The following TMTC1 variants were observed in gnomAD, a reference collection of about 807,000 sequenced individuals.
The protein encoded by TMTC1 is transmembrane O-mannosyltransferase targeting cadherins 1, also known as protein O-mannosyl-transferase TMTC1.
Under a neutral mutation model 104.8 loss-of-function variants are expected in TMTC1, and 73 were observed. That is an observed-to-expected ratio of 0.70 (90% CI 0.58 to 0.85). The LOEUF is 0.85. Among genes scored for constraint, TMTC1 ranks in the 40% least tolerant of loss-of-function variants. TMTC1 has a pLI of 0.00. For synonymous variants in TMTC1, 434 were observed against 428.7 expected (o/e 1.01, Z -0.15); for missense variants, 1,035 against 1,096.1 (o/e 0.94, Z 0.79).
chr12:29,658,211 G>T (rs1034805261), intron 5 of TMTC1, among the ~76,000 whole-genome samples: 1 of 151,824 alleles, frequency 6.6e-6, no homozygotes, highest in African/African-American at 2.4e-5. Flanking sequence ...AATTTATCAC[G>T]TCTCTGCAAA....
rs1592032825 is a variant in TMTC1, at chr12:29,768,082, A to C, written c.303-7T>G. The C allele has an allele frequency of 6.4e-7, 1 of 1,553,044 alleles. No homozygotes were observed. The highest frequency in any genetic ancestry group is 2.3e-5 in the East Asian group (1 of 44,188). On this transcript the variant is annotated splice_region_variant and splice_polypyrimidine_tract_variant and intron_variant, in intron 1 of 17. Coordinates refer to ENST00000539277, the MANE Select transcript of TMTC1 (RefSeq NM_001193451.2). The stretch of plus-strand genomic sequence containing the variant: ...AGTCAAAAATATGTTTAGCCTGTAA[A>C]ACAAAAGAAAAAAGAAAAAAACTGC...
rs60837035 is a variant in TMTC1, at chr12:29,739,294, T to TACACAC, written c.938+12366_938+12371dup. ...TTGCTCATAGTTGCACGCATTCATG[T>TACACAC]ACACACACACACACACATACACAGA... On this transcript the variant is annotated intron_variant, in intron 5 of 17. Coordinates refer to ENST00000539277, the MANE Select transcript of TMTC1 (RefSeq NM_001193451.2). Among the ~76,000 whole-genome samples the TACACAC allele has an allele frequency of 0.016, 2,469 of 150,802 alleles. 175 individuals carry two copies. The East Asian group carries it at 0.24, about 15-fold the overall frequency.
rs1436757194 is a variant in TMTC1 at position 29,776,066 on chromosome 12, CCA to C, written c.302+7382_302+7383del. Among the ~76,000 whole-genome samples, 26 of 152,180 alleles carry C rather than the reference CCA, an allele frequency of 1.7e-4. 1 individual carries two copies. Among genetic ancestry groups the C allele is most frequent in the African/African-American group, 6.0e-4 (25 of 41,436 alleles). On this transcript the variant is annotated intron_variant, in intron 1 of 17. Coordinates refer to ENST00000539277, the MANE Select transcript of TMTC1 (RefSeq NM_001193451.2). The stretch of plus-strand genomic sequence containing the variant: ...TTCAGGTACTTGTACTCCATTTGAT[CCA>C]ACAAGGCCATTCCTTATAGAAAGCA...
chr12:29,585,134 A>G (rs1946094555), intron 7 of TMTC1, among the ~76,000 whole-genome samples: 1 of 150,710 alleles, frequency 6.6e-6, no homozygotes, highest in Non-Finnish European at 1.5e-5. Flanking sequence ...TCGCCATTCT[A>G]ACTGGTGTGA....
At chr12:29,757,263 T>G (rs1013833819) in intron 3 of TMTC1, among the ~76,000 whole-genome samples, 1 of 152,180 alleles carries the variant, frequency 6.6e-6, no homozygotes, top group East Asian at 1.9e-4. Context: ...TGTAACAGGT[T>G]TCTCAATCAT....
chr12:29,776,371 T>C lies in TMTC1; in HGVS notation c.302+7079A>G, dbSNP rs1592043269. The stretch of plus-strand genomic sequence containing the variant: ...GTAAACAGAACCCATTGGTATCCTC[T>C]GTATACATCTGAGGAAATTCCTAGT... On this transcript the variant is annotated intron_variant, in intron 1 of 17. Coordinates refer to ENST00000539277, the MANE Select transcript of TMTC1 (RefSeq NM_001193451.2). 4.6e-5 allele frequency among the ~76,000 whole-genome samples: 7 copies of C among 152,352 alleles called. No individual in the cohort carries two copies. The South Asian group carries it at 1.4e-3, about 32-fold the overall frequency.
intron 5 of TMTC1, among the ~76,000 whole-genome samples, chr12:29,721,967 TCTC>T (rs757391353): frequency 3.4e-4 from 51 of 152,126 alleles, no homozygotes; most frequent in South Asian, 4.1e-4. Flanking sequence ...GTTCTGGAAA[TCTC>T]CTTAACATCT....
At chr12:29,636,483 A>C (rs190796854) in intron 5 of TMTC1, among the ~76,000 whole-genome samples, 46 of 152,218 alleles carry the variant, frequency 3.0e-4, no homozygotes, top group Admixed American at 8.5e-4. Flanking sequence ...AATATAACAA[A>C]AATTTTTTAA....
chr12:29,643,674 T>TGTTATATTATATATAATATATAA (rs1939030095), intron 5 of TMTC1, among the ~76,000 whole-genome samples: 1 of 9,404 alleles, frequency 1.1e-4, no homozygotes, highest in Non-Finnish European at 1.7e-4. Flanking sequence ...ATAATATATA[T>TGTTATATTATATATAATATATAA]CTATATATTA....
intron 6 of TMTC1, among the ~76,000 whole-genome samples, chr12:29,610,200 A>G (rs917110963): frequency 5.3e-5 from 8 of 152,316 alleles, no homozygotes; most frequent in African/African-American, 1.7e-4. Flanking sequence ...TGGACCTCAA[A>G]AAAGGATCGG....
Position 29,704,554 on chromosome 12 carries a change from C to T in TMTC1, c.938+47112G>A, listed in dbSNP as rs963491004. ...TGAGTGGCAATCAAAACCCAGAAAC[C>T]TCTAATATACTCTAATTTCCTTGTG... On this transcript the variant is annotated intron_variant, in intron 5 of 17. Transcript: ENST00000539277. 2.0e-5 allele frequency among the ~76,000 whole-genome samples: 3 copies of T among 152,172 alleles called. 1 individual carries two copies. Among genetic ancestry groups the T allele is most frequent in the Admixed American group, 2.0e-4 (3 of 15,276 alleles).
chr12:29,567,391 ATTC>A (rs1945545802), intron 9 of TMTC1, among the ~76,000 whole-genome samples: 1 of 152,148 alleles, frequency 6.6e-6, no homozygotes, highest in Admixed American at 6.5e-5. Context: ...TGTGACTTAA[ATTC>A]GTTTTTTTTT....
intron 5 of TMTC1, among the ~76,000 whole-genome samples, chr12:29,701,219 A>G (rs1396179382): frequency 6.6e-6 from 1 of 152,142 alleles, no homozygotes; most frequent in Non-Finnish European, 1.5e-5. Context: ...CCACTCAAAG[A>G]GAACAGGGTG....
At chr12:29,566,415 G>A (rs1001760001) in intron 9 of TMTC1, among the ~76,000 whole-genome samples, 1 of 152,162 alleles carries the variant, frequency 6.6e-6, no homozygotes, top group Non-Finnish European at 1.5e-5. Flanking sequence ...TAAGTGAGGT[G>A]GGGTGGCTGG....
In TMTC1 at chr12:29,783,893, C is replaced by G. The variant is rs1268224265; in HGVS notation, c.-142G>C. On this transcript the variant is annotated 5_prime_UTR_variant, in exon 1 of 18. Coordinates refer to ENST00000539277, the MANE Select transcript of TMTC1 (RefSeq NM_001193451.2). This position sits in a 1 kb window ranked among gnomAD's most constrained non-coding sequence, Gnocchi z 4.7. ...GCAGCTGGACCCGCCGCGAGCTCCC[C>G]GCGCTCCGCCGCCGCCTGCGCCGCG... 1.3e-6 allele frequency: 1 copy of G among 781,288 alleles called. No homozygotes were observed. Among genetic ancestry groups the G allele is most frequent in the South Asian group, 5.9e-5 (1 of 16,886 alleles). The allele number at this position is 781,288 out of a possible 1,614,324, so 48.4% of individuals were successfully genotyped here.
chr12:29,554,806 C>A (rs1322631112), intron 10 of TMTC1, among the ~76,000 whole-genome samples: 1 of 152,190 alleles, frequency 6.6e-6, no homozygotes, highest in Non-Finnish European at 1.5e-5. Context: ...AATAACACCA[C>A]TGAACTCTAG....
intron 10 of TMTC1, among the ~76,000 whole-genome samples, chr12:29,539,426 T>C (rs531110335): frequency 3.7e-4 from 56 of 152,276 alleles, no homozygotes; most frequent in African/African-American, 1.2e-3. Flanking sequence ...TCTTCTCCTT[T>C]TATTACGTGC....
intron 9 of TMTC1, among the ~76,000 whole-genome samples, chr12:29,566,623 T>C (rs183164115): frequency 6.9e-4 from 105 of 152,244 alleles, no homozygotes; most frequent in African/African-American, 1.7e-3. Context: ...TAGGAGCATA[T>C]TGCTGCGGTC....
In TMTC1 at chr12:29,588,089, G is replaced by A. The variant is rs114671420; in HGVS notation, c.1251-4515C>T. The stretch of plus-strand genomic sequence containing the variant: ...TTAGTCCAGCTCCATAAAGTTTAGG[G>A]TTCATGGTTTGGCCAAAGAGAGTCA... On this transcript the variant is annotated intron_variant, in intron 7 of 17. Coordinates refer to ENST00000539277, the MANE Select transcript of TMTC1 (RefSeq NM_001193451.2). Among the ~76,000 whole-genome samples the A allele has an allele frequency of 8.2e-3, 1,247 of 152,180 alleles. 24 individuals carry two copies. The highest frequency in any genetic ancestry group is 0.029 in the African/African-American group (1,186 of 41,522).
Sources: gnomAD v4.1 joint callset for allele counts (sites outside exome capture counted in the v4.1 genomes callset) on GRCh38, gnomAD v4.1.1 for gene constraint, Gnocchi (gnomAD v3.1) non-coding constraint, MANE v1.5 for transcripts, NCBI Gene and HGNC (gene_info 2026-07-23, HGNC 2026-07-21) for gene names.